MYO16: variants seen among roughly 807,000 people sequenced by gnomAD.
MYO16 encodes myosin XVI.
A neutral mutation model predicts 205.3 loss-of-function variants in MYO16; 94 were observed. The observed-to-expected ratio is 0.46, with a 90% CI of 0.39 to 0.54. MYO16 has a LOEUF of 0.54. MYO16 is among the 20% of genes least tolerant of loss of function. MYO16 has a pLI of 0.00. For missense variants in MYO16, 2,315 were observed against 2,387.5 expected (o/e 0.97, Z 0.63); for synonymous variants, 988 against 954.0 (o/e 1.04, Z -0.66).
At chr13:108,706,098 A>T (rs749147988) in intron 2 of MYO16, among the ~76,000 whole-genome samples, 8 of 152,218 alleles carry the variant, frequency 5.3e-5, no homozygotes, top group Non-Finnish European at 1.2e-4. Context: ...TGATATAGTT[A>T]TCAGATTTGA....
At chr13:108,853,148 C>T (rs1877974330) in intron 10 of MYO16, among the ~76,000 whole-genome samples, 1 of 152,232 alleles carries the variant, frequency 6.6e-6, no homozygotes, top group Admixed American at 6.5e-5. Flanking sequence ...TCTATGGTCG[C>T]GCCTCTCTCT....
chr13:108,793,158 C>T (rs112547523), intron 5 of MYO16, among the ~76,000 whole-genome samples: 19 of 151,678 alleles, frequency 1.3e-4, no homozygotes, highest in African/African-American at 2.9e-4. Flanking sequence ...CAGTGGCGGG[C>T]GCCTGTAGTC....
chr13:109,164,399 C>A (rs903242215), intron 32 of MYO16, among the ~76,000 whole-genome samples: 1 of 152,204 alleles, frequency 6.6e-6, no homozygotes, highest in Non-Finnish European at 1.5e-5. Context: ...AAGTAATTAT[C>A]TTAGTGTGCA....
At chr13:108,552,841 G>C in the MYO16 span, among the ~76,000 whole-genome samples, 1 of 151,822 alleles carries the variant, frequency 6.6e-6, no homozygotes, top group African/African-American at 2.4e-5. Context: ...ATCTGTGGAG[G>C]GCCTTCTTGC....
Position 109,206,708 on chromosome 13 carries a change from C to T in MYO16, c.5515C>T (p.Gln1839Ter), listed in dbSNP as rs201148234. The T allele has an allele frequency of 3.8e-5, 61 of 1,614,064 alleles. No individual in the cohort carries two copies. Among genetic ancestry groups the T allele is most frequent in the Non-Finnish European group, 5.2e-5 (61 of 1,180,028 alleles). The change falls in exon 35 of 35, where the codon CAG (glutamine) becomes TAG (stop). Residue 1839 changes from glutamine to a stop codon, truncating the protein, a stop_gained. Transcript: ENST00000457511. LOFTEE classifies it high-confidence loss of function. ...KLCEEGQDWQ[Q>*]ILHHAEPRVP... The stretch of plus-strand genomic sequence containing the variant: ...CTGTGAGGAAGGACAAGACTGGCAG[C>T]AGATCCTGCACCACGCTGAGCCCAG...
At chr13:109,090,384 A>G (rs1888581532) in intron 27 of MYO16, among the ~76,000 whole-genome samples, 1 of 152,182 alleles carries the variant, frequency 6.6e-6, no homozygotes, top group Admixed American at 6.5e-5. Flanking sequence ...GGTCATGGGA[A>G]CTGAGGGAGA....
At chr13:108,749,646 T>C (rs1017860882) in intron 4 of MYO16, among the ~76,000 whole-genome samples, 2 of 152,152 alleles carry the variant, frequency 1.3e-5, no homozygotes, top group East Asian at 3.8e-4. Context: ...GAGGTAACGA[T>C]GTGGAGCAAC....
rs1032100376 is a variant in MYO16, at chr13:108,665,950, G to A, written c.93G>A (p.Glu31=). Residue 31 remains glutamate (E), a synonymous_variant, in exon 2 of 35, where the codon GAG becomes GAA. Transcript: ENST00000457511. ...TGGAAATCGACCAGTGCTTGCTAGA[G>A]TCCCTTCCCCTTGGCCAACGGCAGC... The part of the protein sequence containing the change: ...HEMEIDQCLL[E]SLPLGQRQRL... 6.2e-7 allele frequency: 1 copy of A among 1,614,000 alleles called. No homozygotes were observed. Among genetic ancestry groups the A allele is most frequent in the African/African-American group, 1.3e-5 (1 of 74,922 alleles).
the MYO16 span, among the ~76,000 whole-genome samples, chr13:108,578,650 G>T: frequency 2.4e-4 from 37 of 152,266 alleles, no homozygotes; most frequent in African/African-American, 8.4e-4. Flanking sequence ...GGGATGTCTG[G>T]CTGGAAAAAC....
intron 23 of MYO16, chr13:109,028,333 C>T: frequency 4.0e-6 from 1 of 250,676 alleles, no homozygotes; most frequent in Non-Finnish European, 8.0e-6. Context: ...AGATATTTCT[C>T]AACTACAATA....
At chr13:108,959,000 T>C (rs942593384) in intron 17 of MYO16, among the ~76,000 whole-genome samples, 1 of 152,226 alleles carries the variant, frequency 6.6e-6, no homozygotes, top group Non-Finnish European at 1.5e-5. Flanking sequence ...TCTGTGTTTA[T>C]TTCCCTGCCC....
intron 2 of MYO16, among the ~76,000 whole-genome samples, chr13:108,708,626 T>G (rs192454338): frequency 6.6e-6 from 1 of 152,348 alleles, no homozygotes; most frequent in Non-Finnish European, 1.5e-5. Context: ...AACGCAGGTA[T>G]GCTTAGTTTT....
At chr13:108,812,730 G>T (rs969854084) in intron 7 of MYO16, among the ~76,000 whole-genome samples, 1 of 152,084 alleles carries the variant, frequency 6.6e-6, no homozygotes, top group Admixed American at 6.6e-5. Context: ...TAGGACGTGA[G>T]GCCTAATGAG....
intron 5 of MYO16, among the ~76,000 whole-genome samples, chr13:108,790,389 G>A (rs1350092256): frequency 6.6e-6 from 1 of 152,078 alleles, no homozygotes; most frequent in African/African-American, 2.4e-5. Flanking sequence ...ATAATGTGTG[G>A]ATTTCAGGTA....
intron 34 of MYO16, among the ~76,000 whole-genome samples, chr13:109,202,967 A>G (rs1379838903): frequency 6.6e-6 from 1 of 152,216 alleles, no homozygotes; most frequent in African/African-American, 2.4e-5. Context: ...TATTCAACAA[A>G]TGGTGCTTGG....
intron 11 of MYO16, among the ~76,000 whole-genome samples, chr13:108,863,254 G>A (rs1297170505): frequency 1.3e-5 from 2 of 151,994 alleles, no homozygotes; most frequent in Admixed American, 1.3e-4. Context: ...TCGATAATAA[G>A]TGCCCTATCC....
chr13:108,605,622 C>T (rs1209543243), intron 1 of MYO16, among the ~76,000 whole-genome samples: 1 of 152,168 alleles, frequency 6.6e-6, no homozygotes, highest in African/African-American at 2.4e-5. Flanking sequence ...GACTTGTTTG[C>T]TTCCCCTTCT....
At chr13:109,047,118 C>T in intron 24 of MYO16, 127 bp downstream of exon 24, 1 of 688,524 alleles carries the variant, frequency 1.5e-6, no homozygotes, top group Non-Finnish European at 2.5e-6. Flanking sequence ...CTTTTGCATT[C>T]TAATGCCCAG....
At chr13:108,882,583 C>A (rs937715310) in intron 12 of MYO16, among the ~76,000 whole-genome samples, 1 of 152,038 alleles carries the variant, frequency 6.6e-6, no homozygotes, top group African/African-American at 2.4e-5. Flanking sequence ...TATAAATCAC[C>A]GTTTCTCTAA....
Sources: gnomAD v4.1 joint callset for allele counts (sites outside exome capture counted in the v4.1 genomes callset) on GRCh38, gnomAD v4.1.1 for gene constraint, MANE v1.5 for transcripts, NCBI Gene and HGNC (gene_info 2026-07-23, HGNC 2026-07-21) for gene names.